ZFPM2: variants seen among roughly 807,000 people sequenced by gnomAD.
The protein encoded by ZFPM2 is zinc finger protein, FOG family member 2, also known as zinc finger protein ZFPM2.
Under a neutral mutation model 98.6 loss-of-function variants are expected in ZFPM2, and 20 were observed. The observed-to-expected ratio is 0.20, with a 90% CI of 0.14 to 0.29. The LOEUF (loss-of-function observed/expected upper bound fraction) is 0.29. ZFPM2 is among the 10% of genes least tolerant of loss of function. ZFPM2 has a pLI of 1.00. For synonymous variants in ZFPM2, 518 were observed against 502.7 expected (o/e 1.03, Z -0.41); for missense variants, 1,310 against 1,388.6 (o/e 0.94, Z 0.90).
At chr8:105,565,517 G>A (rs1815225650) in intron 4 of ZFPM2, among the ~76,000 whole-genome samples, 1 of 152,228 alleles carries the variant, frequency 6.6e-6, no homozygotes, top group Admixed American at 6.5e-5. Context: ...TGTTGCAGAG[G>A]CGTAAACTGC....
intron 3 of ZFPM2, among the ~76,000 whole-genome samples, chr8:105,542,899 CTTGT>C (rs1814610720): frequency 6.6e-6 from 1 of 151,994 alleles, no homozygotes; most frequent in Admixed American, 6.6e-5. Flanking sequence ...TTTGCTTATA[CTTGT>C]TTGTCTATGA....
intron 3 of ZFPM2, among the ~76,000 whole-genome samples, chr8:105,459,661 C>T (rs980389123): frequency 2.0e-5 from 3 of 152,266 alleles, no homozygotes; most frequent in African/African-American, 2.4e-5. Flanking sequence ...GCTGCATCCT[C>T]GCCTTACTTT....
At chr8:105,558,550 A>G (rs570187298) in intron 3 of ZFPM2, among the ~76,000 whole-genome samples, 2 of 152,314 alleles carry the variant, frequency 1.3e-5, no homozygotes, top group East Asian at 1.9e-4. Flanking sequence ...AGACATTTGG[A>G]TATCACTTTA....
chr8:105,411,438 C>T (rs1455866965), intron 1 of ZFPM2, among the ~76,000 whole-genome samples: 1 of 151,740 alleles, frequency 6.6e-6, no homozygotes, highest in Admixed American at 6.6e-5. Context: ...GTGCTTGTCA[C>T]AGTGCCTACC....
chr8:105,498,326 TAAG>T (rs1180993406), intron 3 of ZFPM2, among the ~76,000 whole-genome samples: 1 of 152,258 alleles, frequency 6.6e-6, no homozygotes, highest in African/African-American at 2.4e-5. Context: ...TGGTTATATT[TAAG>T]AAGAATTTTC....
chr8:105,553,674 C>T (rs1215616943), intron 3 of ZFPM2, among the ~76,000 whole-genome samples: 1 of 152,086 alleles, frequency 6.6e-6, no homozygotes, highest in Non-Finnish European at 1.5e-5. Context: ...TCTGCAGTGC[C>T]CCCAGCACTT....
At chr8:105,591,620 A>G (rs1423382930) in intron 4 of ZFPM2, among the ~76,000 whole-genome samples, 1 of 152,212 alleles carries the variant, frequency 6.6e-6, no homozygotes, top group African/African-American at 2.4e-5. Flanking sequence ...TAAGCTTCAG[A>G]AATTGGGTTA....
intron 1 of ZFPM2, among the ~76,000 whole-genome samples, chr8:105,363,832 C>T (rs1032084325): frequency 6.6e-6 from 1 of 152,042 alleles, no homozygotes; most frequent in African/African-American, 2.4e-5. Context: ...GAGATCTGAG[C>T]ATATAGGAAG....
At chr8:105,706,443 C>G (rs1387877086) in intron 5 of ZFPM2, among the ~76,000 whole-genome samples, 1 of 152,098 alleles carries the variant, frequency 6.6e-6, no homozygotes, top group African/African-American at 2.4e-5. Flanking sequence ...TACTCTAAAA[C>G]AATATAAACA....
Position 105,508,998 on chromosome 8 carries a change from C to T in ZFPM2, c.302-52365C>T, listed in dbSNP as rs1813759602. Among the ~76,000 whole-genome samples the T allele has an allele frequency of 2.0e-5, 3 of 152,066 alleles. No individual in the cohort carries two copies. The South Asian group carries it at 6.2e-4, about 32-fold the overall frequency. ...ATGGGCCCCATTTACATTGAAATCA[C>T]ATTATGCGATATATCAGGTTCCTGA... is the stretch of plus-strand genomic sequence containing the variant. On this transcript the variant is annotated intron_variant, in intron 3 of 7. Coordinates refer to ENST00000407775, the MANE Select transcript of ZFPM2 (RefSeq NM_012082.4).
chr8:105,799,915 T>C (rs1408697022), intron 7 of ZFPM2, among the ~76,000 whole-genome samples: 1 of 152,172 alleles, frequency 6.6e-6, no homozygotes, highest in African/African-American at 2.4e-5. Context: ...CAAGCTTTTG[T>C]CTTTGAACCT....
chr8:105,434,917 T>C (rs561022027), intron 2 of ZFPM2, among the ~76,000 whole-genome samples: 2 of 152,298 alleles, frequency 1.3e-5, no homozygotes, highest in South Asian at 4.1e-4. Context: ...ATGTGGCAAA[T>C]CTTTAATTTC....
chr8:105,557,748 GAATA>G lies in ZFPM2; in HGVS notation c.302-3607_302-3604del, dbSNP rs200367099. On this transcript the variant is annotated intron_variant, in intron 3 of 7. Coordinates refer to ENST00000407775, the MANE Select transcript of ZFPM2 (RefSeq NM_012082.4). Reference sequence around the variant, plus strand: ...ATAAACGAATGAATGAGGCATAAAGGAATAAATAAATCAAATAAGAATTGGAGCT... The same window carrying G: ...ATAAACGAATGAATGAGGCATAAAGGAATAAATCAAATAAGAATTGGAGCT... 4.3e-3 allele frequency among the ~76,000 whole-genome samples: 660 copies of G among 152,150 alleles called. 6 individuals are homozygous for G. The highest frequency in any genetic ancestry group is 0.015 in the African/African-American group (633 of 41,514).
Position 105,364,102 on chromosome 8 carries a change from T to G in ZFPM2, c.40+45121T>G, listed in dbSNP as rs553567651. Among the ~76,000 whole-genome samples, 4 of 152,196 alleles carry G rather than the reference T, an allele frequency of 2.6e-5. No homozygotes were observed. In the South Asian group the frequency reaches 8.3e-4, roughly 32 times the overall value. ...TAGCTTCAATACAGAATTCTGACAC[T>G]AAATGGATATTTTTATAGGCATATT... On this transcript the variant is annotated intron_variant, in intron 1 of 7. Coordinates refer to ENST00000407775, the MANE Select transcript of ZFPM2 (RefSeq NM_012082.4).
At chr8:105,468,662 A>G (rs541574534) in intron 3 of ZFPM2, among the ~76,000 whole-genome samples, 1 of 152,020 alleles carries the variant, frequency 6.6e-6, no homozygotes, top group African/African-American at 2.4e-5. Context: ...CTATACCTAA[A>G]TCACCAGGAA....
At chr8:105,674,790 A>G (rs1327766202) in intron 5 of ZFPM2, among the ~76,000 whole-genome samples, 1 of 152,184 alleles carries the variant, frequency 6.6e-6, no homozygotes, top group Non-Finnish European at 1.5e-5. Flanking sequence ...GATTAAAGTC[A>G]GAAGAAATCA....
At chr8:105,484,862 G>C (rs1483154397) in intron 3 of ZFPM2, among the ~76,000 whole-genome samples, 2 of 152,116 alleles carry the variant, frequency 1.3e-5, no homozygotes, top group Non-Finnish European at 2.9e-5. Context: ...TTTTCTATTT[G>C]TCAGCTTTGC....
At chr8:105,569,849 G>A (rs1434335918) in intron 4 of ZFPM2, among the ~76,000 whole-genome samples, 2 of 151,990 alleles carry the variant, frequency 1.3e-5, no homozygotes, top group East Asian at 1.9e-4. Context: ...GGAAACTGAG[G>A]TGGCAGTCGC....
chr8:105,438,594 G>T (rs1223604603), intron 2 of ZFPM2, among the ~76,000 whole-genome samples: 1 of 151,806 alleles, frequency 6.6e-6, no homozygotes. Context: ...AAATATTTTG[G>T]GGTAGACTTA....
Sources: gnomAD v4.1 joint callset for allele counts (sites outside exome capture counted in the v4.1 genomes callset) on GRCh38, gnomAD v4.1.1 for gene constraint, MANE v1.5 for transcripts, NCBI Gene and HGNC (gene_info 2026-07-23, HGNC 2026-07-21) for gene names.